Variants in PJA2 observed in about 807,000 individuals in gnomAD.
The protein encoded by PJA2 is praja ring finger ubiquitin ligase 2.
In PJA2, 25 loss-of-function variants were observed where a neutral mutation model predicts 69.3. The ratio of observed to expected loss-of-function variants is 0.36; its 90% confidence interval spans 0.26 to 0.50. The LOEUF is 0.50. PJA2 is among the 20% of genes least tolerant of loss of function. The pLI is 0.96. For missense variants in PJA2, 809 were observed against 830.2 expected (o/e 0.97, Z 0.31); for synonymous variants, 308 against 277.8 (o/e 1.11, Z -1.08).
At chr5:109,357,417 A>C (rs1762431641) in intron 6 of PJA2, among the ~76,000 whole-genome samples, 1 of 152,204 alleles carries the variant, frequency 6.6e-6, no homozygotes, top group South Asian at 2.1e-4. Flanking sequence ...CAGTATCTGG[A>C]AATCAAGTAT....
intron 6 of PJA2, among the ~76,000 whole-genome samples, chr5:109,359,982 T>TA (rs1762482370): frequency 6.6e-6 from 1 of 152,120 alleles, no homozygotes. Context: ...TTACTATAAG[T>TA]ATAAAGAAAG....
At chr5:109,389,575 T>G (rs1329356588) in intron 1 of PJA2, among the ~76,000 whole-genome samples, 1 of 152,042 alleles carries the variant, frequency 6.6e-6, no homozygotes, top group Non-Finnish European at 1.5e-5. Context: ...TTTAAAAGTT[T>G]TCTTAACTAA....
intron 5 of PJA2, among the ~76,000 whole-genome samples, chr5:109,367,759 T>C (rs1371344312): frequency 6.6e-6 from 1 of 152,222 alleles, no homozygotes; most frequent in African/African-American, 2.4e-5. Context: ...ATTTGGTTTA[T>C]TTCAAGGAGC....
chr5:109,391,051 ATAT>A (rs1747269903), intron 1 of PJA2, among the ~76,000 whole-genome samples: 1 of 152,156 alleles, frequency 6.6e-6, no homozygotes, highest in African/African-American at 2.4e-5. Context: ...TAAAATGAAA[ATAT>A]TATTAAGTTG....
chr5:109,380,836 T>C (rs1291318605), intron 3 of PJA2, among the ~76,000 whole-genome samples: 1 of 145,262 alleles, frequency 6.9e-6, no homozygotes, highest in South Asian at 2.2e-4. Context: ...ACGCCAGGCA[T>C]GGTGACTCAC....
chr5:109,339,316 T>A (rs1367940379), intron 9 of PJA2, among the ~76,000 whole-genome samples: 1 of 152,134 alleles, frequency 6.6e-6, no homozygotes, highest in Non-Finnish European at 1.5e-5. Context: ...GCGAAGATGA[T>A]GAGAAATTAG....
intron 4 of PJA2, among the ~76,000 whole-genome samples, chr5:109,370,200 C>T (rs1762653770): frequency 6.6e-6 from 1 of 152,142 alleles, no homozygotes; most frequent in Admixed American, 6.5e-5. Flanking sequence ...AATGCCCCCT[C>T]CAACCATATC....
intron 7 of PJA2, among the ~76,000 whole-genome samples, chr5:109,353,497 ATAATATCTATAGATATCT>A (rs1762316001): frequency 5.5e-5 from 5 of 90,394 alleles, no homozygotes; most frequent in Non-Finnish European, 1.4e-4. Flanking sequence ...TTAGATATCT[ATAATATCTATAGATATCT>A]ATATATTAGA....
intron 1 of PJA2, among the ~76,000 whole-genome samples, chr5:109,395,209 G>C (rs76167545): frequency 6.6e-6 from 1 of 152,084 alleles, no homozygotes; most frequent in African/African-American, 2.4e-5. Flanking sequence ...ACGTTGACAA[G>C]AATTAACAAA....
intron 5 of PJA2, among the ~76,000 whole-genome samples, chr5:109,367,133 CAAAAA>C (rs1163494179): frequency 1.1e-4 from 15 of 131,562 alleles, no homozygotes; most frequent in Admixed American, 6.1e-4. Context: ...GACTCCGTCT[CAAAAA>C]AAAAAATATA....
intron 9 of PJA2, among the ~76,000 whole-genome samples, chr5:109,339,112 C>A (rs1761996219): frequency 1.0e-5 from 1 of 96,042 alleles, no homozygotes; most frequent in South Asian, 2.7e-4. Flanking sequence ...TCTGAAGAAA[C>A]AAGTTGGGGG....
rs35259719 is a variant in PJA2, at chr5:109,375,125, G to T, written c.1283+3079C>A. Among the ~76,000 whole-genome samples, 1,480 of 152,142 alleles carry T rather than the reference G, an allele frequency of 9.7e-3. 11 individuals carry two copies. The highest frequency in any genetic ancestry group is 0.015 in the Non-Finnish European group (1,012 of 67,992). On this transcript the variant is annotated intron_variant, in intron 4 of 9. Coordinates refer to ENST00000361189, the MANE Select transcript of PJA2 (RefSeq NM_014819.5). ...TAAATGATCATTTAGAATTTTTCAG[G>T]GAAGAAGGCAATCATGAATTCATTA...
intron 9 of PJA2, among the ~76,000 whole-genome samples, chr5:109,340,625 C>CT (rs1306841705): frequency 0.58 from 742 of 1,284 alleles, 309 homozygotes; most frequent in African/African-American, 0.74. Flanking sequence ...GGTCCCTCCC[C>CT]CTCCCCCTCC....
At chr5:109,391,707 T>A (rs1358261150) in intron 1 of PJA2, among the ~76,000 whole-genome samples, 2 of 151,798 alleles carry the variant, frequency 1.3e-5, no homozygotes, top group African/African-American at 4.8e-5. Flanking sequence ...CATGATTATA[T>A]ATGAAAAAAA....
chr5:109,386,199 A>T (rs1472674417), intron 1 of PJA2, among the ~76,000 whole-genome samples: 1 of 152,200 alleles, frequency 6.6e-6, no homozygotes, highest in African/African-American at 2.4e-5. Flanking sequence ...AACCTATAGC[A>T]GAAAAAACAA....
At chr5:109,365,699 TTG>T (rs1469854126) in intron 5 of PJA2, among the ~76,000 whole-genome samples, 3 of 152,150 alleles carry the variant, frequency 2.0e-5, no homozygotes, top group Non-Finnish European at 4.4e-5. Flanking sequence ...GCACTCAAAC[TTG>T]TGTCATTAAA....
At chr5:109,395,621 G>A (rs1747389204) in intron 1 of PJA2, among the ~76,000 whole-genome samples, 5 of 152,150 alleles carry the variant, frequency 3.3e-5, no homozygotes. Context: ...GATAATTCCA[G>A]TGCTAAACCT....
intron 6 of PJA2, among the ~76,000 whole-genome samples, chr5:109,359,472 C>T (rs1762475921): frequency 6.6e-6 from 1 of 152,202 alleles, no homozygotes; most frequent in South Asian, 2.1e-4. Context: ...AATTTTATAT[C>T]ACCAGTAATG....
At position 109,383,501 on chromosome 5, in the gene PJA2, G is replaced by A. The variant is rs1747096240; in HGVS notation, c.-68C>T. ...GTGATTTAGTTTTTATTCACACTAT[G>A]GACAAGCCGCAGAAGATTCCTACAA... On this transcript the variant is annotated 5_prime_UTR_variant, in exon 2 of 10. Transcript: ENST00000361189. The A allele has an allele frequency of 4.6e-6, 6 of 1,295,322 alleles. No homozygotes were observed. In the South Asian group the frequency reaches 7.7e-5, roughly 17 times the overall value. 80.2% of individuals were successfully genotyped at this position (1,295,322 alleles called of 1,614,324 possible).
Sources: allele counts gnomAD v4.1 joint callset (sites outside exome capture counted in the v4.1 genomes callset), GRCh38; gene constraint gnomAD v4.1.1; transcripts MANE v1.5; gene names NCBI Gene and HGNC (gene_info 2026-07-23, HGNC 2026-07-21).